SNX8: variants seen among roughly 807,000 people sequenced by gnomAD.
SNX8 encodes the protein sorting nexin 8, also known as sorting nexin-8.
A neutral mutation model predicts 51.6 loss-of-function variants in SNX8; 25 were observed. The observed-to-expected ratio is 0.48, with a 90% CI of 0.35 to 0.68. The LOEUF (loss-of-function observed/expected upper bound fraction) is 0.68. SNX8 is among the 30% of genes least tolerant of loss of function. SNX8 has a pLI of 0.00. For synonymous variants in SNX8, 324 were observed against 277.0 expected, an observed-to-expected ratio of 1.17 and a Z score of -1.68; for missense variants, 695 against 624.0, an observed-to-expected ratio of 1.11 and a Z score of -1.21.
chr7:2,321,684 G>T (rs1281935743), intron 1 of SNX8, among the ~76,000 whole-genome samples: 1 of 146,442 alleles, frequency 6.8e-6, no homozygotes, highest in East Asian at 2.0e-4. Context: ...AAAGTGCTGG[G>T]ATTACAGCTG....
chr7:2,261,294 G>A (rs868347703), intron 7 of SNX8, among the ~76,000 whole-genome samples: 3 of 152,170 alleles, frequency 2.0e-5, no homozygotes, highest in Non-Finnish European at 2.9e-5. Context: ...TTAGCCGGGT[G>A]TGGTGGTGCA....
At chr7:2,291,160 C>T (rs547389065) in intron 1 of SNX8, among the ~76,000 whole-genome samples, 27 of 152,112 alleles carry the variant, frequency 1.8e-4, no homozygotes, top group Non-Finnish European at 3.8e-4. Context: ...ACCAGTCAGG[C>T]GTGGTGGTGT....
intron 1 of SNX8, among the ~76,000 whole-genome samples, chr7:2,349,127 C>T (rs1583131126): frequency 6.6e-6 from 1 of 150,534 alleles, no homozygotes; most frequent in African/African-American, 2.4e-5. Context: ...CTGCTTGAAC[C>T]TGGGAGGTGG....
At chr7:2,323,098 G>A (rs777041618) in intron 1 of SNX8, among the ~76,000 whole-genome samples, 1 of 152,106 alleles carries the variant, frequency 6.6e-6, no homozygotes, top group Admixed American at 6.6e-5. Flanking sequence ...GGGAGGCCAA[G>A]GCCAGTGGAT....
At chr7:2,342,094 G>A (rs1188391275) in intron 1 of SNX8, among the ~76,000 whole-genome samples, 3 of 149,764 alleles carry the variant, frequency 2.0e-5, no homozygotes, top group African/African-American at 7.4e-5. Flanking sequence ...AAGGAGAATC[G>A]CTTGCATCTG....
At chr7:2,256,188 A>G (rs1286079365) in intron 10 of SNX8, among the ~76,000 whole-genome samples, 2 of 152,026 alleles carry the variant, frequency 1.3e-5, no homozygotes, top group African/African-American at 4.8e-5. Flanking sequence ...CAGCCCCACC[A>G]CGGCCGCCTC....
chr7:2,303,455 A>G (rs1471595462), intron 1 of SNX8, among the ~76,000 whole-genome samples: 1 of 152,204 alleles, frequency 6.6e-6, no homozygotes, highest in African/African-American at 2.4e-5. Context: ...TGGGAGGTGT[A>G]CTCAACAGCT....
At chr7:2,290,380 T>C (rs533869512) in intron 1 of SNX8, among the ~76,000 whole-genome samples, 11 of 152,078 alleles carry the variant, frequency 7.2e-5, no homozygotes, top group African/African-American at 2.7e-4. Flanking sequence ...GATGCATGCC[T>C]GTAATTCCAG....
chr7:2,269,785 A>C (rs148339995), intron 4 of SNX8, 146 bp from the exon 5 acceptor site: 1 of 509,244 alleles, frequency 2.0e-6, no homozygotes. Context: ...GTATTCTGCA[A>C]TCTCTTGACT....
chr7:2,303,553 G>C (rs924576877), intron 1 of SNX8, among the ~76,000 whole-genome samples: 7 of 152,338 alleles, frequency 4.6e-5, no homozygotes, highest in African/African-American at 1.4e-4. Flanking sequence ...TCGGATGGTT[G>C]CCGTGTCTGT....
chr7:2,297,550 C>CAAAAAAAAAAAAAAA (rs145543350), intron 1 of SNX8, among the ~76,000 whole-genome samples: 1 of 40,254 alleles, frequency 2.5e-5, no homozygotes, highest in Non-Finnish European at 4.2e-5. Flanking sequence ...AACCCCGCCG[C>CAAAAAAAAAAAAAAA]AAAAAAAAAA....
In SNX8 at chr7:2,257,882, G is replaced by A. The variant is rs574829402; in HGVS notation, c.916-79C>T. ...GCCCGGGAACTCAGACCCAAGCCTG[G>A]CCTGGGCCGGTTCCTTCCTCCCAGA... On this transcript the variant is annotated intron_variant, in intron 7 of 10. Coordinates refer to ENST00000222990, the MANE Select transcript of SNX8 (RefSeq NM_013321.4). 1.5e-4 allele frequency: 202 copies of A among 1,376,544 alleles called. 1 individual carries two copies. The South Asian group carries it at 2.2e-3, about 15-fold the overall frequency. The allele number at this position is 1,376,544 out of a possible 1,614,324, so 85.3% of individuals were successfully genotyped here.
intron 1 of SNX8, among the ~76,000 whole-genome samples, chr7:2,345,371 G>A (rs1779001876): frequency 6.6e-6 from 1 of 152,086 alleles, no homozygotes; most frequent in East Asian, 1.9e-4. Context: ...AACCAAAGGG[G>A]ACAAATAAAA....
chr7:2,326,356 C>A (rs1778621114), intron 1 of SNX8, among the ~76,000 whole-genome samples: 1 of 147,878 alleles, frequency 6.8e-6, no homozygotes, highest in Non-Finnish European at 1.5e-5. Flanking sequence ...AGAGTGAGAC[C>A]CTGTCTCTTA....
intron 7 of SNX8, among the ~76,000 whole-genome samples, chr7:2,263,015 A>C (rs1468015053): frequency 6.6e-6 from 1 of 152,256 alleles, no homozygotes; most frequent in East Asian, 1.9e-4. Context: ...GCTACTCAGG[A>C]GGCTAAGGCA....
chr7:2,328,536 G>A (rs962558120), intron 1 of SNX8, among the ~76,000 whole-genome samples: 1 of 152,130 alleles, frequency 6.6e-6, no homozygotes, highest in African/African-American at 2.4e-5. Flanking sequence ...AATGTGGCCA[G>A]TCACGGTGGT....
rs115535423 is a variant in SNX8 at position 2,270,134 on chromosome 7, C to T, written c.541-495G>A. On this transcript the variant is annotated intron_variant, in intron 4 of 10. Transcript: ENST00000222990. Reference sequence around the variant, plus strand: ...GGAGCTGCTGGGCAGAGGGACAGGCCCAGCCCCTGGCACCGGAGCCCTCTC... The same window carrying T: ...GGAGCTGCTGGGCAGAGGGACAGGCTCAGCCCCTGGCACCGGAGCCCTCTC... Among the ~76,000 whole-genome samples the T allele has an allele frequency of 2.7e-3, 403 of 152,000 alleles. 1 individual carries two copies. The highest frequency in any genetic ancestry group is 9.3e-3 in the African/African-American group (386 of 41,460).
intron 1 of SNX8, among the ~76,000 whole-genome samples, chr7:2,349,234 G>C (rs971648077): frequency 6.6e-6 from 1 of 151,088 alleles, no homozygotes; most frequent in Non-Finnish European, 1.5e-5. Context: ...TAAAAAAAAT[G>C]CGTAATATTA....
intron 1 of SNX8, among the ~76,000 whole-genome samples, chr7:2,302,489 A>T (rs1294738159): frequency 2.6e-5 from 4 of 152,084 alleles, no homozygotes; most frequent in Non-Finnish European, 5.9e-5. Flanking sequence ...TGGCCTCCCA[A>T]AGTGCCGAGA....
Sources: allele counts gnomAD v4.1 joint callset (sites outside exome capture counted in the v4.1 genomes callset), GRCh38; gene constraint gnomAD v4.1.1; transcripts MANE v1.5; gene names NCBI Gene and HGNC (gene_info 2026-07-23, HGNC 2026-07-21).